IL1RAPL1: variants seen among roughly 807,000 people sequenced by gnomAD.
IL1RAPL1 encodes interleukin-1 receptor accessory protein-like 1.
A neutral mutation model predicts 48.4 loss-of-function variants in IL1RAPL1; 3 were observed. The ratio of observed to expected loss-of-function variants is 0.06; its 90% CI spans 0.03 to 0.16. IL1RAPL1 has a LOEUF of 0.16. Ranked by LOEUF, IL1RAPL1 falls within the 10% of genes least tolerant of loss-of-function variation. IL1RAPL1 has a pLI of 1.00. For synonymous variants in IL1RAPL1, 185 were observed against 187.7 expected, an observed-to-expected ratio of 0.99 and a Z score of 0.12; for missense variants, 349 against 530.6, an observed-to-expected ratio of 0.66 and a Z score of 3.36.
rs375317598 is a variant in IL1RAPL1, at chrX:29,504,448, T to A, written c.703+105140T>A. On this transcript the variant is annotated intron_variant, in intron 5 of 10. Coordinates refer to ENST00000378993, the MANE Select transcript of IL1RAPL1 (RefSeq NM_014271.4). The stretch of plus-strand genomic sequence containing the variant: ...TATTGAAGTGTTGAATCCCATACTT[T>A]TGTTTTATTGCAGTCCATCTCTCCT... Among the ~76,000 whole-genome samples, 7 of 111,990 alleles carry A rather than the reference T, an allele frequency of 6.3e-5. No individual in the cohort carries two copies. In the East Asian group the frequency reaches 8.4e-4, roughly 13 times the overall value.
At chrX:28,692,105 C>G (rs1040958956) in intron 1 of IL1RAPL1, among the ~76,000 whole-genome samples, 2 of 110,339 alleles carry the variant, frequency 1.8e-5, no homozygotes, top group African/African-American at 3.3e-5. Context: ...TAAAAACCCC[C>G]TTTTTTCTGG....
chrX:29,565,238 A>C (rs992043137), intron 5 of IL1RAPL1, among the ~76,000 whole-genome samples: 1 of 111,695 alleles, frequency 9.0e-6, no homozygotes, highest in African/African-American at 3.3e-5. Flanking sequence ...CAGGGTATGA[A>C]ATTACTCCAG....
intron 2 of IL1RAPL1, among the ~76,000 whole-genome samples, chrX:28,888,782 T>C (rs1922703957): frequency 8.9e-6 from 1 of 111,852 alleles, no homozygotes; most frequent in Admixed American, 9.5e-5. Flanking sequence ...ATTTCTGTTG[T>C]ATAACAATCT....
intron 1 of IL1RAPL1, among the ~76,000 whole-genome samples, 159 bp downstream of exon 1, chrX:28,588,206 ATGTG>A (rs768348078): frequency 0.1 from 5,002 of 49,765 alleles, 120 homozygotes; most frequent in Middle Eastern, 0.18. Context: ...GTGTGTTGAT[ATGTG>A]TGTGTGTGTG....
At chrX:28,902,817 A>C (rs1007064758) in intron 2 of IL1RAPL1, among the ~76,000 whole-genome samples, 2 of 111,299 alleles carry the variant, frequency 1.8e-5, no homozygotes, top group Admixed American at 1.9e-4. Context: ...TCTGCCTCCT[A>C]TCAGATCAGC....
intron 2 of IL1RAPL1, among the ~76,000 whole-genome samples, chrX:29,219,978 C>T (rs898288097): frequency 1.8e-5 from 2 of 109,351 alleles, no homozygotes; most frequent in Non-Finnish European, 3.8e-5. Flanking sequence ...GAAAAATTGG[C>T]AATAGGAGTC....
intron 5 of IL1RAPL1, among the ~76,000 whole-genome samples, chrX:29,466,080 A>G (rs1934859293): frequency 8.9e-6 from 1 of 112,330 alleles, no homozygotes. Flanking sequence ...GTCTCATGCA[A>G]TATTTGGGAC....
intron 6 of IL1RAPL1, among the ~76,000 whole-genome samples, chrX:29,756,438 G>C (rs1296810482): frequency 1.8e-5 from 2 of 111,055 alleles, no homozygotes; most frequent in African/African-American, 6.6e-5. Flanking sequence ...TTGAGACGGA[G>C]TTTCACTCTT....
intron 3 of IL1RAPL1, among the ~76,000 whole-genome samples, chrX:29,387,276 A>G (rs749050058): frequency 2.0e-4 from 23 of 112,227 alleles, no homozygotes; most frequent in African/African-American, 7.1e-4. Context: ...TTATAGATGA[A>G]GAATATCTTG....
intron 2 of IL1RAPL1, among the ~76,000 whole-genome samples, chrX:29,252,375 T>A (rs1463800151): frequency 8.8e-6 from 1 of 113,938 alleles, no homozygotes; most frequent in Non-Finnish European, 1.9e-5. Flanking sequence ...GATCACTAGA[T>A]TTCTCTATCA....
At chrX:28,964,120 T>C (rs1818777151) in intron 2 of IL1RAPL1, among the ~76,000 whole-genome samples, 1 of 111,531 alleles carries the variant, frequency 9.0e-6, no homozygotes, top group African/African-American at 3.3e-5. Context: ...TTTAGTTTTA[T>C]AAATAGATGT....
chrX:29,670,350 C>T (rs1030595735), intron 6 of IL1RAPL1, among the ~76,000 whole-genome samples: 3 of 112,047 alleles, frequency 2.7e-5, no homozygotes, highest in Non-Finnish European at 5.6e-5. Context: ...ATGTCTGTTA[C>T]TAAAATGCTT....
chrX:29,411,980 T>C (rs771909343), intron 5 of IL1RAPL1, among the ~76,000 whole-genome samples: 22 of 111,662 alleles, frequency 2.0e-4, no homozygotes, highest in Non-Finnish European at 3.4e-4. Flanking sequence ...GATAGAATTA[T>C]TGGTTTATGG....
chrX:29,011,005 C>T (rs1329495522), intron 2 of IL1RAPL1, among the ~76,000 whole-genome samples: 1 of 111,858 alleles, frequency 8.9e-6, no homozygotes, highest in Non-Finnish European at 1.9e-5. Context: ...TAAGCTGTTA[C>T]TTGTGAGAGG....
chrX:29,646,773 C>T (rs1272760914), intron 5 of IL1RAPL1, among the ~76,000 whole-genome samples: 1 of 110,110 alleles, frequency 9.1e-6, no homozygotes, highest in Non-Finnish European at 1.9e-5. Flanking sequence ...CATTTCTCAG[C>T]AGAAACCTTA....
At chrX:29,498,625 A>G (rs1935240260) in intron 5 of IL1RAPL1, among the ~76,000 whole-genome samples, 1 of 111,139 alleles carries the variant, frequency 9.0e-6, no homozygotes, top group Non-Finnish European at 1.9e-5. Context: ...TCATTTAAAA[A>G]TTAGCACAGA....
rs192639592 is a variant in IL1RAPL1 at position 28,739,804 on chromosome X, C to T, written c.-24-49516C>T. On this transcript the variant is annotated intron_variant, in intron 1 of 10. Coordinates refer to ENST00000378993, the MANE Select transcript of IL1RAPL1 (RefSeq NM_014271.4). ...TCTAGTTTTCATCCACTCTTCATCT[C>T]CTTTCCAAGGCTTTTATGATATCCC... Among the ~76,000 whole-genome samples the T allele has an allele frequency of 1.7e-3, 189 of 111,497 alleles. 1 individual carries two copies. The highest frequency in any genetic ancestry group is 5.8e-3 in the African/African-American group (178 of 30,804).
intron 2 of IL1RAPL1, among the ~76,000 whole-genome samples, chrX:28,813,285 T>G (rs1353570385): frequency 9.0e-6 from 1 of 111,666 alleles, no homozygotes; most frequent in African/African-American, 3.2e-5. Context: ...AAATGTCTTT[T>G]TTGAGTGTGG....
intron 1 of IL1RAPL1, among the ~76,000 whole-genome samples, chrX:28,701,625 A>G (rs1935298592): frequency 8.9e-6 from 1 of 111,905 alleles, no homozygotes; most frequent in Non-Finnish European, 1.9e-5. Context: ...GTGTAAATCT[A>G]AAGACAAAAA....
Sources: allele counts gnomAD v4.1 joint callset (sites outside exome capture counted in the v4.1 genomes callset), GRCh38; gene constraint gnomAD v4.1.1; transcripts MANE v1.5; gene names NCBI Gene and HGNC (gene_info 2026-07-23, HGNC 2026-07-21).